Variants in GRIN2A observed in about 807,000 individuals in gnomAD.
The protein encoded by GRIN2A is glutamate receptor ionotropic, NMDA 2A.
Under a neutral mutation model 113.4 loss-of-function variants are expected in GRIN2A, and 22 were observed. The ratio of observed to expected loss-of-function variants is 0.19; its 90% CI spans 0.14 to 0.28. The LOEUF (loss-of-function observed/expected upper bound fraction) is 0.28, where lower values mean the gene tolerates loss of function less well. Ranked by LOEUF, GRIN2A falls within the 10% of genes least tolerant of loss-of-function variation. The pLI is 1.00. For missense variants in GRIN2A, 1,502 were observed against 1,887.0 expected (o/e 0.80, Z 3.78); for synonymous variants, 827 against 738.4 (o/e 1.12, Z -1.94).
chr16:10,058,425 A>G (rs767189202), intron 2 of GRIN2A, among the ~76,000 whole-genome samples: 1 of 152,252 alleles, frequency 6.6e-6, no homozygotes, highest in African/African-American at 2.4e-5. Context: ...ATGCTAAATC[A>G]CAAGATCTGT....
chr16:9,822,645 ATC>A (rs2042311199), intron 9 of GRIN2A, among the ~76,000 whole-genome samples: 1 of 152,126 alleles, frequency 6.6e-6, no homozygotes, highest in South Asian at 2.1e-4. Flanking sequence ...TGGACACAGC[ATC>A]TGTTTTCTTC....
chr16:10,057,828 G>A (rs980427867), intron 2 of GRIN2A, among the ~76,000 whole-genome samples: 3 of 152,144 alleles, frequency 2.0e-5, no homozygotes, highest in Admixed American at 6.5e-5. Context: ...TTTTAGCGTG[G>A]TCCTCAATAA....
At chr16:10,062,457 T>C (rs2047565819) in intron 2 of GRIN2A, among the ~76,000 whole-genome samples, 1 of 152,166 alleles carries the variant, frequency 6.6e-6, no homozygotes, top group African/African-American at 2.4e-5. Context: ...AAATTGTCAG[T>C]CTCTTTGCCT....
At chr16:10,161,272 C>T (rs1285075525) in intron 2 of GRIN2A, among the ~76,000 whole-genome samples, 1 of 152,200 alleles carries the variant, frequency 6.6e-6, no homozygotes, top group Non-Finnish European at 1.5e-5. Flanking sequence ...TACATGTTGG[C>T]TTCCCCTTCT....
At position 10,080,898 on chromosome 16, in the gene GRIN2A, A is replaced by C. The variant is rs1388413896; in HGVS notation, c.414+99100T>G. On this transcript the variant is annotated intron_variant, in intron 2 of 12. Coordinates refer to ENST00000330684, the MANE Select transcript of GRIN2A (RefSeq NM_001134407.3). ...TCCACCCTCCAAGCTCAGGTAGCCCATTCCTTCATTCCCGTCTCAAATGTT... is the reference window on the plus strand; with the variant it reads ...TCCACCCTCCAAGCTCAGGTAGCCCCTTCCTTCATTCCCGTCTCAAATGTT... Among the ~76,000 whole-genome samples, 3 of 152,240 alleles carry C rather than the reference A, an allele frequency of 2.0e-5. No individual in the cohort carries two copies. The East Asian group carries it at 5.8e-4, about 29-fold the overall frequency.
chr16:9,844,096 GC>G (rs2042729457), intron 5 of GRIN2A, among the ~76,000 whole-genome samples: 1 of 151,966 alleles, frequency 6.6e-6, no homozygotes, highest in Non-Finnish European at 1.5e-5. Flanking sequence ...CCTATCACAG[GC>G]TCTTCCTTCA....
At chr16:10,131,304 C>A (rs2049056618) in intron 2 of GRIN2A, among the ~76,000 whole-genome samples, 1 of 152,136 alleles carries the variant, frequency 6.6e-6, no homozygotes, top group African/African-American at 2.4e-5. Flanking sequence ...AGCAACCAGT[C>A]TCATGCCTGC....
chr16:10,082,329 C>G (rs184896455), intron 2 of GRIN2A, among the ~76,000 whole-genome samples: 15 of 152,326 alleles, frequency 9.8e-5, no homozygotes, highest in Admixed American at 9.1e-4. Flanking sequence ...TCTTAATCCA[C>G]AGGAAGAATA....
chr16:9,992,579 A>G (rs545218508), intron 2 of GRIN2A, among the ~76,000 whole-genome samples: 1 of 152,362 alleles, frequency 6.6e-6, no homozygotes, highest in Admixed American at 6.5e-5. Context: ...GGCAAGGAAC[A>G]GGACCAACTA....
At chr16:10,026,742 G>C (rs2046829953) in intron 2 of GRIN2A, among the ~76,000 whole-genome samples, 1 of 152,152 alleles carries the variant, frequency 6.6e-6, no homozygotes, top group African/African-American at 2.4e-5. Flanking sequence ...TCCACTCAGT[G>C]AGAAACACGC....
intron 2 of GRIN2A, among the ~76,000 whole-genome samples, chr16:9,995,461 G>A (rs1314910325): frequency 6.6e-6 from 1 of 152,146 alleles, no homozygotes; most frequent in Non-Finnish European, 1.5e-5. Flanking sequence ...GTTGTCGTTG[G>A]TGGTGGTGGT....
At chr16:9,923,404 A>G (rs2035641836) in intron 3 of GRIN2A, among the ~76,000 whole-genome samples, 1 of 152,134 alleles carries the variant, frequency 6.6e-6, no homozygotes, top group African/African-American at 2.4e-5. Context: ...TGTTTATACT[A>G]TTTACATGTA....
intron 2 of GRIN2A, among the ~76,000 whole-genome samples, chr16:10,079,340 T>G (rs900849071): frequency 5.3e-5 from 8 of 152,012 alleles, no homozygotes; most frequent in African/African-American, 1.7e-4. Context: ...TCTTAAGGAG[T>G]TGGCCTTTAA....
rs62034910 is a variant in GRIN2A, at chr16:9,760,532, C to G, written c.*2617G>C. On this transcript the variant is annotated 3_prime_UTR_variant, in exon 13 of 13. Coordinates refer to ENST00000330684, the MANE Select transcript of GRIN2A (RefSeq NM_001134407.3). ...GTGAAAAGAATATATATTTTTTTCA[C>G]AACATTACTGTTGATTCTTCCAAAG... 84,328 of 220,430 alleles carry G rather than the reference C, an allele frequency of 0.38. 17,447 individuals are homozygous for G. The highest frequency in any genetic ancestry group is 0.54 in the South Asian group (2,918 of 5,390). The allele number at this position is 220,430 out of a possible 1,614,324, so 13.7% of individuals were successfully genotyped here.
intron 2 of GRIN2A, among the ~76,000 whole-genome samples, chr16:10,056,969 C>A (rs1457735922): frequency 6.6e-6 from 1 of 152,056 alleles, no homozygotes; most frequent in Non-Finnish European, 1.5e-5. Context: ...ATCTCTCCAA[C>A]CCCCAGCCAG....
chr16:10,111,375 C>T (rs7189312), intron 2 of GRIN2A: 14 of 459,600 alleles, frequency 3.0e-5, no homozygotes, highest in African/African-American at 1.4e-4. Context: ...CGGGGCCTTG[C>T]GGCAGCATGG....
chr16:9,869,092 C>T (rs946594026), intron 4 of GRIN2A, among the ~76,000 whole-genome samples: 8 of 152,250 alleles, frequency 5.3e-5, no homozygotes, highest in East Asian at 1.9e-4. Flanking sequence ...TTATGGCCCT[C>T]GTACCCAGCC....
At chr16:10,064,913 G>A (rs138142100) in intron 2 of GRIN2A, among the ~76,000 whole-genome samples, 4 of 152,266 alleles carry the variant, frequency 2.6e-5, no homozygotes, top group South Asian at 2.1e-4. Context: ...CCAAACGGAC[G>A]AATCCCCATG....
rs117200149 is a variant in GRIN2A, at chr16:10,154,230, G to A, written c.414+25768C>T. 9.5e-4 allele frequency among the ~76,000 whole-genome samples: 145 copies of A among 152,260 alleles called. 2 individuals are homozygous for A. The South Asian group carries it at 0.011, about 12-fold the overall frequency. ...GGGCCCACAAGTGAGGCGATATGGC[G>A]CAGAAGTCGTAGCCAACCCTCGGTG... On this transcript the variant is annotated intron_variant, in intron 2 of 12. Transcript: ENST00000330684.
Sources: allele counts gnomAD v4.1 joint callset (sites outside exome capture counted in the v4.1 genomes callset), GRCh38; gene constraint gnomAD v4.1.1; transcripts MANE v1.5; gene names NCBI Gene and HGNC (gene_info 2026-07-23, HGNC 2026-07-21).